Variants in CSNK1A1 observed in about 807,000 individuals in gnomAD.
CSNK1A1 encodes casein kinase I isoform alpha.
Under a neutral mutation model 46.1 loss-of-function variants are expected in CSNK1A1, and 7 were observed. The ratio of observed to expected loss-of-function variants is 0.15; its 90% confidence interval spans 0.09 to 0.29. The LOEUF (loss-of-function observed/expected upper bound fraction) is 0.29, where lower values mean the gene tolerates loss of function less well. CSNK1A1 is among the 10% of genes least tolerant of loss of function. CSNK1A1 has a pLI of 1.00. For missense variants in CSNK1A1, 96 were observed against 417.1 expected, an observed-to-expected ratio of 0.23 and a Z score of 6.71; for synonymous variants, 137 against 141.5, an observed-to-expected ratio of 0.97 and a Z score of 0.23.
At chr5:149,531,855 T>C (rs1467638884) in intron 2 of CSNK1A1, among the ~76,000 whole-genome samples, 1 of 150,414 alleles carries the variant, frequency 6.6e-6, no homozygotes, top group African/African-American at 2.4e-5. Context: ...AAAAAAGGAA[T>C]TTGGGATATA....
Position 149,498,215 on chromosome 5 carries a change from G to A in CSNK1A1, c.1007-1355C>T, listed in dbSNP as rs114953880. ...AATAATTCTAATATTTATTTCTTATGCATATATGCCCCTTTTTTTTTTTGG... is the reference window on the plus strand; with the variant it reads ...AATAATTCTAATATTTATTTCTTATACATATATGCCCCTTTTTTTTTTTGG... On this transcript the variant is annotated intron_variant, in intron 9 of 9. Transcript: ENST00000377843. The A allele has an allele frequency of 9.0e-4, 885 of 984,860 alleles. 9 individuals carry two copies. The African/African-American group carries it at 0.015, about 16-fold the overall frequency. The allele number at this position is 984,860 out of a possible 1,614,324, so 61.0% of individuals were successfully genotyped here.
intron 2 of CSNK1A1, among the ~76,000 whole-genome samples, chr5:149,528,085 C>T (rs1761775713): frequency 6.6e-6 from 1 of 152,132 alleles, no homozygotes; most frequent in South Asian, 2.1e-4. Flanking sequence ...ACAAAATCAC[C>T]TGCATGTAAG....
chr5:149,502,633 C>A (rs943361381), intron 9 of CSNK1A1: 197 of 969,048 alleles, frequency 2.0e-4, no homozygotes, highest in Non-Finnish European at 2.3e-4. Context: ...CTCAGCCTCC[C>A]AAATGTGTTG....
At chr5:149,503,115 G>C in intron 9 of CSNK1A1, 1 of 985,404 alleles carries the variant, frequency 1.0e-6, no homozygotes, top group Non-Finnish European at 1.2e-6. Flanking sequence ...AAGAGACTAT[G>C]CTTTTAAATG....
At chr5:149,501,229 G>C (rs1278046847) in intron 9 of CSNK1A1, 1 of 985,178 alleles carries the variant, frequency 1.0e-6, no homozygotes, top group Non-Finnish European at 1.2e-6. Context: ...TTTCCTGTTG[G>C]GTTATTTAGA....
chr5:149,507,216 A>C, intron 7 of CSNK1A1, 83 bp from the exon 8 acceptor site: 1 of 1,057,452 alleles, frequency 9.5e-7, no homozygotes, highest in Non-Finnish European at 1.4e-6. Context: ...AAGCAAAAAG[A>C]TATTTTTGGG....
At chr5:149,543,870 C>T (rs957169924) in intron 2 of CSNK1A1, among the ~76,000 whole-genome samples, 11 of 151,698 alleles carry the variant, frequency 7.3e-5, no homozygotes, top group African/African-American at 1.9e-4. Context: ...CACTGCACTC[C>T]GCCCGGGTGA....
intron 2 of CSNK1A1, among the ~76,000 whole-genome samples, chr5:149,547,526 A>T (rs1418940030): frequency 6.6e-6 from 1 of 152,228 alleles, no homozygotes; most frequent in Non-Finnish European, 1.5e-5. Context: ...CCCAACATAG[A>T]TGAATCTCAA....
intron 7 of CSNK1A1, among the ~76,000 whole-genome samples, chr5:149,507,590 T>A (rs976600455): frequency 6.6e-6 from 1 of 152,016 alleles, no homozygotes; most frequent in Non-Finnish European, 1.5e-5. Flanking sequence ...GCTTCCTGAG[T>A]AGCTGGGACT....
chr5:149,515,819 C>T (rs376108954), intron 4 of CSNK1A1, among the ~76,000 whole-genome samples: 8 of 152,178 alleles, frequency 5.3e-5, no homozygotes, highest in African/African-American at 1.9e-4. Flanking sequence ...AAAGGCAGAA[C>T]CAAATGAGGA....
At chr5:149,506,322 C>T (rs779333936) in intron 8 of CSNK1A1, among the ~76,000 whole-genome samples, 10 of 152,048 alleles carry the variant, frequency 6.6e-5, no homozygotes, top group African/African-American at 1.2e-4. Flanking sequence ...CTGCAACCTC[C>T]GCTTCCCAGG....
chr5:149,496,888 G>A, intron 9 of CSNK1A1, 28 bp from the exon 10 acceptor site: 2 of 1,534,922 alleles, frequency 1.3e-6, no homozygotes, highest in Non-Finnish European at 1.7e-6. Context: ...CAAAAAAAAA[G>A]TTAAAATTCC....
At chr5:149,502,740 GA>G in intron 9 of CSNK1A1, 6 of 983,320 alleles carry the variant, frequency 6.1e-6, no homozygotes, top group Non-Finnish European at 7.2e-6. Flanking sequence ...TTATTATTGG[GA>G]TCAATGAATC....
intron 2 of CSNK1A1, among the ~76,000 whole-genome samples, chr5:149,531,662 A>T (rs1761901672): frequency 1.3e-5 from 2 of 151,060 alleles, no homozygotes; most frequent in South Asian, 4.2e-4. Context: ...AGCCTAGCCA[A>T]CATGGCAAAA....
At chr5:149,524,454 G>A (rs927785805) in intron 3 of CSNK1A1, among the ~76,000 whole-genome samples, 14 of 151,904 alleles carry the variant, frequency 9.2e-5, no homozygotes, top group South Asian at 2.1e-4. Flanking sequence ...TCTTAAGATC[G>A]AAATATCCAA....
chr5:149,521,719 C>T (rs1328743120), intron 3 of CSNK1A1, among the ~76,000 whole-genome samples: 4 of 151,720 alleles, frequency 2.6e-5, no homozygotes, highest in Admixed American at 6.6e-5. Flanking sequence ...TGGGTTCAAG[C>T]GATTCTCTTG....
chr5:149,520,536 T>C (rs1027030360), intron 3 of CSNK1A1, 148 bp from the exon 4 acceptor site: 4 of 579,612 alleles, frequency 6.9e-6, no homozygotes, highest in African/African-American at 5.6e-5. Context: ...AGTTCTCCAT[T>C]TATTTCTAGG....
chr5:149,530,809 T>C (rs1385401410), intron 2 of CSNK1A1, among the ~76,000 whole-genome samples: 1 of 151,474 alleles, frequency 6.6e-6, no homozygotes, highest in Non-Finnish European at 1.5e-5. Context: ...CTACTAAAAA[T>C]ACAAAAATTA....
In CSNK1A1 at chr5:149,496,815, G is replaced by T; in HGVS notation, c.*38C>A. ...TTTGGGGAGAAACAAATGCTGCTCC[G>T]ATCATCTGCTCTGCTTCTTCTGTTC... On this transcript the variant is annotated 3_prime_UTR_variant, in exon 10 of 10. Transcript: ENST00000377843. The T allele has an allele frequency of 6.4e-7, 1 of 1,556,258 alleles. No homozygotes were observed. Among genetic ancestry groups the T allele is most frequent in the Non-Finnish European group, 8.7e-7 (1 of 1,151,280 alleles).
Sources: allele counts gnomAD v4.1 joint callset (sites outside exome capture counted in the v4.1 genomes callset), GRCh38; gene constraint gnomAD v4.1.1; transcripts MANE v1.5; gene names NCBI Gene and HGNC (gene_info 2026-07-23, HGNC 2026-07-21).